The following CYYR1 variants were observed in gnomAD, a reference collection of about 807,000 sequenced individuals.
CYYR1 encodes cysteine and tyrosine-rich protein 1.
Under a neutral mutation model 15.2 loss-of-function variants are expected in CYYR1, and 14 were observed. The observed-to-expected ratio is 0.92, with a 90% CI of 0.61 to 1.44. The LOEUF is 1.44. Ranked by LOEUF, CYYR1 falls within the 40% of genes most tolerant of loss-of-function variation. The pLI is 0.00. For missense variants in CYYR1, 228 were observed against 209.5 expected (o/e 1.09, Z -0.54); for synonymous variants, 80 against 77.4 (o/e 1.03, Z -0.18).
At chr21:26,509,606 T>C (rs1304980565) in intron 2 of CYYR1, among the ~76,000 whole-genome samples, 3 of 152,146 alleles carry the variant, frequency 2.0e-5, no homozygotes, top group Non-Finnish European at 4.4e-5. Flanking sequence ...ACTGAAAAAG[T>C]TTATTTCTTC....
At chr21:26,472,738 T>G (rs2065051553) in intron 3 of CYYR1, among the ~76,000 whole-genome samples, 2 of 152,172 alleles carry the variant, frequency 1.3e-5, no homozygotes, top group Non-Finnish European at 1.5e-5. Context: ...GTTTATTATA[T>G]AATTTTTACC....
At chr21:26,476,576 CCTATCTATCAT>C (rs1419712482) in intron 3 of CYYR1, among the ~76,000 whole-genome samples, 1,470 of 132,520 alleles carry the variant, frequency 0.011, 19 homozygotes, top group African/African-American at 0.042. Flanking sequence ...GTTTGTCTAC[CCTATCTATCAT>C]CTATCTATCT....
chr21:26,469,210 C>T (rs1484964214), intron 3 of CYYR1, among the ~76,000 whole-genome samples: 2 of 152,018 alleles, frequency 1.3e-5, no homozygotes, highest in African/African-American at 4.8e-5. Flanking sequence ...TCTAACAGTC[C>T]TTGAGCAACC....
At chr21:26,480,160 T>G in intron 3 of CYYR1, 112 bp downstream of exon 3, 1 of 1,078,434 alleles carries the variant, frequency 9.3e-7, no homozygotes, top group Non-Finnish European at 1.3e-6. Flanking sequence ...CTAGAAATAC[T>G]CTATGAAATT....
chr21:26,516,586 A>G (rs983524838), intron 2 of CYYR1, among the ~76,000 whole-genome samples: 2 of 152,196 alleles, frequency 1.3e-5, no homozygotes, highest in Non-Finnish European at 2.9e-5. Flanking sequence ...AATATAATCA[A>G]TTTTTAATTG....
At chr21:26,469,911 G>A (rs1196601226) in intron 3 of CYYR1, among the ~76,000 whole-genome samples, 2 of 152,132 alleles carry the variant, frequency 1.3e-5, no homozygotes, top group Non-Finnish European at 2.9e-5. Context: ...TCCTTGAGCT[G>A]AAATTTATCC....
chr21:26,492,078 T>C (rs1411553355), intron 2 of CYYR1, among the ~76,000 whole-genome samples: 1 of 152,230 alleles, frequency 6.6e-6, no homozygotes, highest in African/African-American at 2.4e-5. Flanking sequence ...GGAGCTGTCA[T>C]ACTTTGGCTT....
intron 2 of CYYR1, among the ~76,000 whole-genome samples, chr21:26,498,484 C>G (rs1326129451): frequency 6.6e-6 from 1 of 152,106 alleles, no homozygotes; most frequent in Non-Finnish European, 1.5e-5. Context: ...TTCAATACAG[C>G]AAGTCTGTAT....
intron 2 of CYYR1, among the ~76,000 whole-genome samples, chr21:26,555,249 C>T (rs1979687462): frequency 6.6e-6 from 1 of 152,124 alleles, no homozygotes; most frequent in Non-Finnish European, 1.5e-5. Context: ...GAGACTGCAA[C>T]CTCAAAGTAG....
chr21:26,539,350 T>C lies in CYYR1; in HGVS notation c.176+26916A>G, dbSNP rs142811661. Among the ~76,000 whole-genome samples the C allele has an allele frequency of 2.0e-4, 31 of 152,186 alleles. 1 individual carries two copies. The East Asian group carries it at 3.5e-3, about 17-fold the overall frequency. Reference sequence around the variant, plus strand: ...AATCTCTCTTCAGTGGGGAGGCTTTTCCTATAATCCCTCTGATTTCAACAC... The same window carrying C: ...AATCTCTCTTCAGTGGGGAGGCTTTCCCTATAATCCCTCTGATTTCAACAC... On this transcript the variant is annotated intron_variant, in intron 2 of 3. Coordinates refer to ENST00000652641, the MANE Select transcript of CYYR1 (RefSeq NM_001320768.2).
chr21:26,493,342 GCA>G, intron 2 of CYYR1, among the ~76,000 whole-genome samples: 1 of 152,148 alleles, frequency 6.6e-6, no homozygotes, highest in African/African-American at 2.4e-5. Flanking sequence ...GTACCAGACT[GCA>G]TCCAGGCATT....
intron 2 of CYYR1, among the ~76,000 whole-genome samples, chr21:26,558,384 T>A (rs1233063161): frequency 3.3e-5 from 5 of 152,214 alleles, no homozygotes; most frequent in African/African-American, 1.2e-4. Context: ...AGGGTCTTGC[T>A]ATGTTGTCCA....
chr21:26,562,280 G>A (rs901694511), intron 2 of CYYR1, among the ~76,000 whole-genome samples: 1 of 152,084 alleles, frequency 6.6e-6, no homozygotes, highest in Non-Finnish European at 1.5e-5. Flanking sequence ...ACATCTCAAA[G>A]TTTGCATTCC....
chr21:26,508,003 T>C (rs2065592629), intron 2 of CYYR1, among the ~76,000 whole-genome samples: 1 of 152,134 alleles, frequency 6.6e-6, no homozygotes. Flanking sequence ...ATAGTCACCT[T>C]TGAAATAAAG....
intron 2 of CYYR1, chr21:26,564,883 T>C: frequency 1.9e-6 from 2 of 1,070,722 alleles, no homozygotes; most frequent in South Asian, 3.8e-5. Flanking sequence ...TAATATATTT[T>C]GTTACTTTAA....
At chr21:26,505,659 T>A (rs2065548693) in intron 2 of CYYR1, among the ~76,000 whole-genome samples, 2 of 152,154 alleles carry the variant, frequency 1.3e-5, no homozygotes, top group South Asian at 4.1e-4. Context: ...AATATAATCA[T>A]AAAGTTGGAA....
intron 1 of CYYR1, among the ~76,000 whole-genome samples, chr21:26,572,482 T>C (rs1374803953): frequency 6.6e-6 from 1 of 152,166 alleles, no homozygotes; most frequent in Non-Finnish European, 1.5e-5. Flanking sequence ...TCTAAGTTTT[T>C]TTTATTCACA....
intron 1 of CYYR1, among the ~76,000 whole-genome samples, chr21:26,571,585 T>C (rs1194592602): frequency 6.6e-6 from 1 of 152,232 alleles, no homozygotes; most frequent in African/African-American, 2.4e-5. Context: ...GTGAAAGTAT[T>C]AAATATTGTC....
intron 2 of CYYR1, among the ~76,000 whole-genome samples, chr21:26,506,175 C>A (rs1252727927): frequency 6.6e-6 from 1 of 152,026 alleles, no homozygotes; most frequent in Non-Finnish European, 1.5e-5. Context: ...AGAAAAGGGG[C>A]CCTTGGGAAA....
Sources: allele counts gnomAD v4.1 joint callset (sites outside exome capture counted in the v4.1 genomes callset), GRCh38; gene constraint gnomAD v4.1.1; transcripts MANE v1.5; gene names NCBI Gene and HGNC (gene_info 2026-07-23, HGNC 2026-07-21).